The following NKAIN2 variants were observed in gnomAD, a reference collection of about 807,000 sequenced individuals.
NKAIN2 encodes the protein sodium/potassium transporting ATPase interacting 2.
Under a neutral mutation model 32.6 loss-of-function variants are expected in NKAIN2, and 14 were observed. The ratio of observed to expected loss-of-function variants is 0.43; its 90% CI spans 0.28 to 0.67. The LOEUF (loss-of-function observed/expected upper bound fraction) is 0.67, where lower values mean the gene tolerates loss of function less well. Ranked by LOEUF, NKAIN2 falls within the 30% of genes least tolerant of loss-of-function variation. The pLI is 0.17. For synonymous variants in NKAIN2, 80 were observed against 87.2 expected (o/e 0.92, Z 0.46); for missense variants, 198 against 258.3 (o/e 0.77, Z 1.60).
At chr6:124,684,910 G>T (rs1160294268) in intron 4 of NKAIN2, among the ~76,000 whole-genome samples, 1 of 152,122 alleles carries the variant, frequency 6.6e-6, no homozygotes, top group Non-Finnish European at 1.5e-5. Context: ...TGCTTTTCCT[G>T]TTCTAAAATA....
At chr6:124,455,280 C>T (rs932643577) in intron 3 of NKAIN2, among the ~76,000 whole-genome samples, 2 of 151,976 alleles carry the variant, frequency 1.3e-5, no homozygotes, top group Admixed American at 6.6e-5. Flanking sequence ...GTTTGACCTT[C>T]GACATGAGCT....
At chr6:124,726,136 C>A (rs929099502) in intron 4 of NKAIN2, among the ~76,000 whole-genome samples, 1 of 152,180 alleles carries the variant, frequency 6.6e-6, no homozygotes, top group South Asian at 2.1e-4. Context: ...GGGGGAGGGG[C>A]GCCCACCATT....
intron 1 of NKAIN2, among the ~76,000 whole-genome samples, chr6:124,139,944 C>T (rs1181943760): frequency 1.3e-5 from 2 of 152,136 alleles, no homozygotes; most frequent in Non-Finnish European, 2.9e-5. Context: ...CATAAGCTGA[C>T]ACTTATGCAC....
chr6:124,048,086 C>T (rs1283913798), intron 1 of NKAIN2, among the ~76,000 whole-genome samples: 3 of 151,962 alleles, frequency 2.0e-5, no homozygotes, highest in Non-Finnish European at 4.4e-5. Context: ...TCAGACTTTC[C>T]AACATGCTTG....
At chr6:124,463,170 G>T (rs867384924) in intron 3 of NKAIN2, among the ~76,000 whole-genome samples, 2 of 152,180 alleles carry the variant, frequency 1.3e-5, no homozygotes, top group South Asian at 4.1e-4. Flanking sequence ...GTGTGTATGT[G>T]TGTGTGTTCC....
intron 4 of NKAIN2, among the ~76,000 whole-genome samples, chr6:124,706,752 G>A (rs1775093073): frequency 6.6e-6 from 1 of 152,046 alleles, no homozygotes; most frequent in Non-Finnish European, 1.5e-5. Context: ...TGCTTAATCT[G>A]GCATGTAATG....
At chr6:124,377,993 A>G (rs1800064262) in intron 3 of NKAIN2, among the ~76,000 whole-genome samples, 1 of 152,058 alleles carries the variant, frequency 6.6e-6, no homozygotes. Flanking sequence ...ATCCTGCCAC[A>G]TTGTGTCAAC....
chr6:124,301,890 T>C (rs1421040139), intron 2 of NKAIN2, among the ~76,000 whole-genome samples: 1 of 152,204 alleles, frequency 6.6e-6, no homozygotes, highest in Non-Finnish European at 1.5e-5. Flanking sequence ...GACTGTGGAC[T>C]TTTGAGTTAA....
At chr6:124,726,376 G>C (rs1261404719) in intron 4 of NKAIN2, among the ~76,000 whole-genome samples, 1 of 151,258 alleles carries the variant, frequency 6.6e-6, no homozygotes, top group Non-Finnish European at 1.5e-5. Context: ...CGGGCAGACT[G>C]CCTCCTCAAG....
At chr6:124,598,092 G>T (rs1038313559) in intron 3 of NKAIN2, among the ~76,000 whole-genome samples, 4 of 152,080 alleles carry the variant, frequency 2.6e-5, no homozygotes, top group Non-Finnish European at 5.9e-5. Context: ...TTCATTTCAA[G>T]AAAAATTTCC....
intron 1 of NKAIN2, among the ~76,000 whole-genome samples, chr6:123,935,193 T>C (rs1378906433): frequency 1.4e-5 from 2 of 148,016 alleles, no homozygotes; most frequent in African/African-American, 4.9e-5. Flanking sequence ...AATAAATAAA[T>C]ATATTTATAT....
At chr6:124,410,291 G>C (rs1279034747) in intron 3 of NKAIN2, among the ~76,000 whole-genome samples, 1 of 152,084 alleles carries the variant, frequency 6.6e-6, no homozygotes, top group African/African-American at 2.4e-5. Flanking sequence ...ATGTTAGGGT[G>C]TCAATTTTAG....
At chr6:124,017,775 C>A (rs1582936587) in intron 1 of NKAIN2, among the ~76,000 whole-genome samples, 1 of 152,140 alleles carries the variant, frequency 6.6e-6, no homozygotes, top group East Asian at 1.9e-4. Flanking sequence ...AGTACAGCAC[C>A]CCCCACCCCG....
chr6:123,888,168 T>A (rs1773819295), intron 1 of NKAIN2, among the ~76,000 whole-genome samples: 1 of 152,082 alleles, frequency 6.6e-6, no homozygotes, highest in Non-Finnish European at 1.5e-5. Context: ...ATCTCTTATG[T>A]ATAGAATGTT....
intron 4 of NKAIN2, among the ~76,000 whole-genome samples, chr6:124,688,626 C>T (rs1290895802): frequency 6.6e-6 from 1 of 151,938 alleles, no homozygotes; most frequent in Non-Finnish European, 1.5e-5. Flanking sequence ...GCTATGTCTA[C>T]CCAGCCCTCC....
chr6:124,024,222 G>A (rs558605742), intron 1 of NKAIN2, among the ~76,000 whole-genome samples: 6 of 152,038 alleles, frequency 3.9e-5, no homozygotes, highest in Non-Finnish European at 7.4e-5. Context: ...ATATTCCCCT[G>A]ATCCAGGAAA....
At chr6:124,477,761 T>TC (rs199504266) in intron 3 of NKAIN2, among the ~76,000 whole-genome samples, 5 of 66,848 alleles carry the variant, frequency 7.5e-5, no homozygotes, top group African/African-American at 3.0e-4. Flanking sequence ...CCTTTTCCTT[T>TC]CCCCCCCTCC....
chr6:124,618,391 T>C (rs1782986051), intron 3 of NKAIN2, among the ~76,000 whole-genome samples: 1 of 152,146 alleles, frequency 6.6e-6, no homozygotes, highest in Non-Finnish European at 1.5e-5. Context: ...GGCAGGAGAA[T>C]CGCTTGAACC....
intron 1 of NKAIN2, among the ~76,000 whole-genome samples, chr6:123,978,094 A>T (rs1778722467): frequency 6.6e-6 from 1 of 152,140 alleles, no homozygotes; most frequent in South Asian, 2.1e-4. Flanking sequence ...CCATTACTAA[A>T]TTTTCACTTT....
Sources: allele counts gnomAD v4.1 joint callset (sites outside exome capture counted in the v4.1 genomes callset), GRCh38; gene constraint gnomAD v4.1.1; transcripts MANE v1.5; gene names NCBI Gene and HGNC (gene_info 2026-07-23, HGNC 2026-07-21).